The following ARHGEF3 variants were observed in gnomAD, a reference collection of about 807,000 sequenced individuals.
The protein encoded by ARHGEF3 is 59.8 kDA protein.
In ARHGEF3, 28 loss-of-function variants were observed where a neutral mutation model predicts 63.2. The observed-to-expected ratio is 0.44, with a 90% CI of 0.33 to 0.61. The LOEUF (loss-of-function observed/expected upper bound fraction) is 0.61, where lower values mean the gene tolerates loss of function less well. Among genes scored for constraint, ARHGEF3 ranks in the 20% least tolerant of loss-of-function variants. ARHGEF3 has a pLI of 0.03. For missense variants in ARHGEF3, 533 were observed against 659.3 expected (o/e 0.81, Z 2.10); for synonymous variants, 266 against 254.2 (o/e 1.05, Z -0.44).
chr3:56,943,441 C>T (rs988183631), intron 3 of ARHGEF3, among the ~76,000 whole-genome samples: 2 of 152,072 alleles, frequency 1.3e-5, no homozygotes, highest in Non-Finnish European at 2.9e-5. Flanking sequence ...ACTTACCGCT[C>T]AGAAAAAAAG....
chr3:56,776,982 C>G (rs915274646), intron 1 of ARHGEF3, among the ~76,000 whole-genome samples: 5 of 152,146 alleles, frequency 3.3e-5, no homozygotes, highest in African/African-American at 1.2e-4. Flanking sequence ...TTGTGAATAA[C>G]AGTTTGTTTC....
chr3:56,967,460 A>ATG (rs1700587227), intron 2 of ARHGEF3, among the ~76,000 whole-genome samples: 2 of 61,286 alleles, frequency 3.3e-5, no homozygotes, highest in Admixed American at 3.4e-4. Flanking sequence ...TATACATATT[A>ATG]TATATTATAT....
chr3:56,925,474 C>G (rs1452766388), intron 3 of ARHGEF3, among the ~76,000 whole-genome samples: 1 of 152,224 alleles, frequency 6.6e-6, no homozygotes, highest in African/African-American at 2.4e-5. Flanking sequence ...TCGTTATTCT[C>G]TATCATGATA....
At chr3:56,798,235 T>C (rs890090178) in intron 1 of ARHGEF3, among the ~76,000 whole-genome samples, 1 of 152,216 alleles carries the variant, frequency 6.6e-6, no homozygotes, top group Non-Finnish European at 1.5e-5. Flanking sequence ...ATTCATGAGA[T>C]AGGCCTATGG....
At chr3:57,045,039 G>T (rs1704387316) in intron 1 of ARHGEF3, among the ~76,000 whole-genome samples, 1 of 152,184 alleles carries the variant, frequency 6.6e-6, no homozygotes, top group Admixed American at 6.5e-5. Flanking sequence ...AGCCGAGGCA[G>T]ATGGATCACC....
At chr3:57,079,028 CCGCCGGGGA>C (rs1706342822) in intron 1 of ARHGEF3, 1 of 338,716 alleles carries the variant, frequency 3.0e-6, no homozygotes, top group South Asian at 1.5e-4. Flanking sequence ...CGCTCAGGGC[CCGCCGGGGA>C]CGCCGAGACC....
At chr3:56,748,259 G>A (rs1013337537) in intron 6 of ARHGEF3, among the ~76,000 whole-genome samples, 26 of 152,068 alleles carry the variant, frequency 1.7e-4, no homozygotes, top group African/African-American at 6.0e-4. Context: ...CCAACTCCTG[G>A]GCTCAAGAGA....
intron 1 of ARHGEF3, among the ~76,000 whole-genome samples, chr3:57,035,505 C>A (rs1407543656): frequency 6.6e-6 from 1 of 152,224 alleles, no homozygotes; most frequent in Non-Finnish European, 1.5e-5. Flanking sequence ...CACGCCACCA[C>A]ACCCGGCTAA....
At chr3:56,769,124 A>G (rs1315819110) in intron 2 of ARHGEF3, among the ~76,000 whole-genome samples, 1 of 152,210 alleles carries the variant, frequency 6.6e-6, no homozygotes, top group African/African-American at 2.4e-5. Context: ...TTTATAATGG[A>G]AAAGGAAAAA....
chr3:56,825,725 G>C (rs1462986200), intron 4 of ARHGEF3, among the ~76,000 whole-genome samples: 2 of 152,104 alleles, frequency 1.3e-5, no homozygotes, highest in African/African-American at 4.8e-5. Flanking sequence ...TGGCCACCTG[G>C]AGCCAATTAT....
At chr3:56,983,950 A>G (rs904950230) in intron 2 of ARHGEF3, among the ~76,000 whole-genome samples, 2 of 151,094 alleles carry the variant, frequency 1.3e-5, no homozygotes, top group African/African-American at 4.9e-5. Flanking sequence ...AAAAAAAAAA[A>G]AAAAAGACTG....
At chr3:57,009,694 G>C (rs956814566) in intron 2 of ARHGEF3, among the ~76,000 whole-genome samples, 4 of 152,162 alleles carry the variant, frequency 2.6e-5, no homozygotes, top group Admixed American at 2.6e-4. Context: ...TCTGTGTGAT[G>C]GAATGCCAGG....
intron 2 of ARHGEF3, among the ~76,000 whole-genome samples, chr3:57,002,459 G>A (rs1453256668): frequency 9.2e-5 from 1 of 10,928 alleles, no homozygotes; most frequent in Non-Finnish European, 1.9e-4. Flanking sequence ...ACTGTTCTAA[G>A]CACTATATAT....
At chr3:56,803,489 A>C (rs1344140590), upstream of ARHGEF3, among the ~76,000 whole-genome samples, 1 of 115,772 alleles carries the variant, frequency 8.6e-6, no homozygotes, top group Non-Finnish European at 1.7e-5. Flanking sequence ...GAAAGGAAAA[A>C]GAAAAGAAAA....
chr3:56,887,364 A>G (rs1271567796), intron 3 of ARHGEF3, among the ~76,000 whole-genome samples: 1 of 152,134 alleles, frequency 6.6e-6, no homozygotes, highest in Non-Finnish European at 1.5e-5. Context: ...CTGCCTTGGG[A>G]GGCTACAGTA....
chr3:56,999,247 C>T (rs1023843916), intron 2 of ARHGEF3, among the ~76,000 whole-genome samples: 2 of 152,126 alleles, frequency 1.3e-5, no homozygotes, highest in Non-Finnish European at 2.9e-5. Context: ...AGATGGGTTT[C>T]ACCATGTTGG....
At chr3:56,850,538 A>G (rs1032771635) in intron 4 of ARHGEF3, among the ~76,000 whole-genome samples, 1 of 152,202 alleles carries the variant, frequency 6.6e-6, no homozygotes, top group East Asian at 1.9e-4. Context: ...TAAACAAAAC[A>G]AAACAAAACA....
At chr3:56,905,430 G>C (rs2041652249) in intron 3 of ARHGEF3, among the ~76,000 whole-genome samples, 1 of 152,140 alleles carries the variant, frequency 6.6e-6, no homozygotes, top group African/African-American at 2.4e-5. Flanking sequence ...ATTTTTTTCA[G>C]TAGTTGCAAA....
intron 3 of ARHGEF3, among the ~76,000 whole-genome samples, chr3:56,897,942 G>A (rs2041363782): frequency 6.6e-6 from 1 of 151,454 alleles, no homozygotes; most frequent in African/African-American, 2.4e-5. Context: ...GTGCAGTGGT[G>A]GCATCATAGC....
Sources: gnomAD v4.1 joint callset for allele counts (sites outside exome capture counted in the v4.1 genomes callset) on GRCh38, gnomAD v4.1.1 for gene constraint, MANE v1.5 for transcripts, NCBI Gene and HGNC (gene_info 2026-07-23, HGNC 2026-07-21) for gene names.